TRPS1: variants seen among roughly 807,000 people sequenced by gnomAD.
TRPS1 encodes the protein zinc finger transcription factor Trps1.
TRPS1 carries 6 observed loss-of-function variants against 101.2 expected under a neutral mutation model. That is an observed-to-expected ratio of 0.06 (90% CI 0.03 to 0.12). TRPS1 has a LOEUF of 0.12. Among genes scored for constraint, TRPS1 ranks in the 10% least tolerant of loss-of-function variants. TRPS1 has a pLI of 1.00. For missense variants in TRPS1, 1,363 were observed against 1,567.0 expected, an observed-to-expected ratio of 0.87 and a Z score of 2.20; for synonymous variants, 578 against 589.8, an observed-to-expected ratio of 0.98 and a Z score of 0.29.
intron 5 of TRPS1, among the ~76,000 whole-genome samples, chr8:115,525,124 T>G (rs1815964493): frequency 6.6e-6 from 1 of 152,132 alleles, no homozygotes; most frequent in South Asian, 2.1e-4. Flanking sequence ...AACTTTCAAT[T>G]TTACCAGAAA....
intron 1 of TRPS1, among the ~76,000 whole-genome samples, chr8:115,655,977 T>G (rs962956520): frequency 3.3e-5 from 5 of 152,124 alleles, no homozygotes; most frequent in Admixed American, 1.3e-4. Flanking sequence ...CTGGTTGAAA[T>G]GTCCACATTT....
At chr8:115,547,071 G>A (rs536776526) in intron 5 of TRPS1, among the ~76,000 whole-genome samples, 1 of 152,128 alleles carries the variant, frequency 6.6e-6, no homozygotes, top group South Asian at 2.1e-4. Context: ...CAAATTACGG[G>A]ATGTTTACTT....
At chr8:115,498,991 A>G (rs1425391264) in intron 5 of TRPS1, among the ~76,000 whole-genome samples, 1 of 152,178 alleles carries the variant, frequency 6.6e-6, no homozygotes. Flanking sequence ...TTGGAAAATG[A>G]AGTACTTTTA....
chr8:115,473,295 C>T (rs143964569), intron 5 of TRPS1, among the ~76,000 whole-genome samples: 11 of 152,226 alleles, frequency 7.2e-5, no homozygotes, highest in African/African-American at 1.7e-4. Flanking sequence ...CCCATGATGG[C>T]GGGAAGGAGA....
intron 3 of TRPS1, among the ~76,000 whole-genome samples, chr8:115,617,505 C>T (rs1569364): frequency 0.54 from 82,606 of 151,916 alleles, 23,688 homozygotes; most frequent in East Asian, 0.84. Flanking sequence ...AAACTATAGG[C>T]CTTAGTAATT....
At chr8:115,534,422 C>G (rs1328678150) in intron 5 of TRPS1, among the ~76,000 whole-genome samples, 1 of 148,628 alleles carries the variant, frequency 6.7e-6, no homozygotes, top group South Asian at 2.2e-4. Context: ...AAGCTCTAAC[C>G]GCAGTACCAT....
At chr8:115,644,668 C>T (rs989841740) in intron 1 of TRPS1, among the ~76,000 whole-genome samples, 1 of 152,232 alleles carries the variant, frequency 6.6e-6, no homozygotes, top group Non-Finnish European at 1.5e-5. Context: ...CCATGTGGCA[C>T]AAGAGGCCTA....
intron 5 of TRPS1, among the ~76,000 whole-genome samples, chr8:115,520,110 C>G (rs947532626): frequency 2.0e-5 from 3 of 150,878 alleles, no homozygotes; most frequent in Non-Finnish European, 4.4e-5. Flanking sequence ...CAACAGATGA[C>G]ATGGAACCAC....
At chr8:115,647,839 CATT>C (rs1811453279) in intron 1 of TRPS1, among the ~76,000 whole-genome samples, 1 of 151,822 alleles carries the variant, frequency 6.6e-6, no homozygotes, top group Non-Finnish European at 1.5e-5. Flanking sequence ...TTCCTGGACT[CATT>C]AATAACCTAT....
At chr8:115,616,349 C>G (rs1490474265) in intron 3 of TRPS1, among the ~76,000 whole-genome samples, 1 of 152,182 alleles carries the variant, frequency 6.6e-6, no homozygotes, top group Non-Finnish European at 1.5e-5. Flanking sequence ...TTTGAAATAA[C>G]TTGCACTTAA....
chr8:115,665,532 C>T (rs2130638354), intron 1 of TRPS1, among the ~76,000 whole-genome samples: 1 of 152,256 alleles, frequency 6.6e-6, no homozygotes, highest in South Asian at 2.1e-4. Context: ...AGAATAAACT[C>T]AGGAGTGGTA....
At chr8:115,646,576 T>C (rs928477729) in intron 1 of TRPS1, among the ~76,000 whole-genome samples, 3 of 152,158 alleles carry the variant, frequency 2.0e-5, no homozygotes, top group Non-Finnish European at 4.4e-5. Flanking sequence ...AAGTAATAAG[T>C]ATGCCCCCCA....
At chr8:115,498,497 C>T (rs905908521) in intron 5 of TRPS1, among the ~76,000 whole-genome samples, 2 of 145,250 alleles carry the variant, frequency 1.4e-5, no homozygotes, top group Non-Finnish European at 3.0e-5. Flanking sequence ...AACAAAAACA[C>T]ACAAGTTTGT....
intron 5 of TRPS1, among the ~76,000 whole-genome samples, chr8:115,529,665 G>C (rs1423228864): frequency 6.6e-6 from 1 of 152,092 alleles, no homozygotes; most frequent in African/African-American, 2.4e-5. Flanking sequence ...GTCATCTGCA[G>C]CATGTTTCCA....
Position 115,620,018 on chromosome 8 carries a change from C to A in TRPS1, c.80G>T (p.Ser27Ile). The A allele has an allele frequency of 6.2e-7, 1 of 1,614,174 alleles. No individual in the cohort carries two copies. Among genetic ancestry groups the A allele is most frequent in the South Asian group, 1.1e-5 (1 of 91,090 alleles). The change falls in exon 3 of 7, where the codon AGT becomes ATT. Residue 27 changes from serine to isoleucine, a missense_variant. Physicochemically the swap from Ser to Ile is moderately radical, Grantham distance 142 (BLOSUM62 -2). Transcript: ENST00000395715. ...CTCCAGGATCTGGCCCTCGCCTTCA[C>A]TTGCAACGTTTCTCAGAGGGGGGTT... Reference protein sequence around the residue: ...KKNPPLRNVASEGEGQILEPI... With the variant: ...KKNPPLRNVAIEGEGQILEPI...
chr8:115,612,072 G>A (rs2130512779), intron 3 of TRPS1, among the ~76,000 whole-genome samples: 1 of 150,000 alleles, frequency 6.7e-6, no homozygotes, highest in Admixed American at 6.7e-5. Context: ...TGAGAGGGTG[G>A]GAGAAAAAAA....
At chr8:115,469,982 C>T (rs777031625) in intron 5 of TRPS1, among the ~76,000 whole-genome samples, 17 of 152,090 alleles carry the variant, frequency 1.1e-4, no homozygotes, top group Non-Finnish European at 1.8e-4. Context: ...CATGTCCAGC[C>T]TTGGATATGC....
Position 115,619,720 on chromosome 8 carries a change from G to A in TRPS1, c.378C>T (p.Phe126=). Residue 126 remains phenylalanine, a synonymous_variant, in exon 3 of 7, where the codon TTC becomes TTT. Transcript: ENST00000395715. ...DEVTDRNMLA[F]SSPAAGGVCE... is the part of the protein sequence containing the mutation. ...AGACTCCCCCAGCAGCTGGAGATGAGAAAGCCAACATATTTCTGTCTGTCA... is the reference window on the plus strand; with the variant it reads ...AGACTCCCCCAGCAGCTGGAGATGAAAAAGCCAACATATTTCTGTCTGTCA... The A allele has an allele frequency of 6.2e-7, 1 of 1,614,196 alleles. No individual in the cohort carries two copies. Among genetic ancestry groups the A allele is most frequent in the Non-Finnish European group, 8.5e-7 (1 of 1,180,034 alleles).
intron 5 of TRPS1, among the ~76,000 whole-genome samples, chr8:115,558,156 A>C (rs1816868120): frequency 6.6e-6 from 1 of 152,092 alleles, no homozygotes; most frequent in African/African-American, 2.4e-5. Flanking sequence ...TATTCTTCAA[A>C]TTTGTGAGAT....
Sources: allele counts gnomAD v4.1 joint callset (sites outside exome capture counted in the v4.1 genomes callset), GRCh38; gene constraint gnomAD v4.1.1; transcripts MANE v1.5; gene names NCBI Gene and HGNC (gene_info 2026-07-23, HGNC 2026-07-21).